The following RCCD1 variants were observed in gnomAD, a reference collection of about 807,000 sequenced individuals.
The protein encoded by RCCD1 is RCC1 domain-containing protein 1.
A neutral mutation model predicts 37.6 loss-of-function variants in RCCD1; 40 were observed. The ratio of observed to expected loss-of-function variants is 1.06; its 90% CI spans 0.83 to 1.39. The LOEUF (loss-of-function observed/expected upper bound fraction) is 1.39, where lower values mean the gene tolerates loss of function less well. RCCD1 is among the 40% of genes most tolerant of loss of function. The probability of loss-of-function intolerance (pLI) is 0.00; values close to 1 mark genes in which losing one functional copy is unlikely to be tolerated. For synonymous variants in RCCD1, 263 were observed against 230.0 expected, an observed-to-expected ratio of 1.14 and a Z score of -1.30; for missense variants, 577 against 517.3, an observed-to-expected ratio of 1.12 and a Z score of -1.12.
In RCCD1 at chr15:90,962,339, T is replaced by TAC. The variant is rs1432057363; in HGVS notation, c.*572_*573dup. On this transcript the variant is annotated 3_prime_UTR_variant, in exon 8 of 8. Transcript: ENST00000394258. The stretch of plus-strand genomic sequence containing the variant: ...GTTGTATGAATAATACCTCAAGTGA[T>TAC]ACAGCCTTGTTGATGGTCATTTTTA... 6.6e-6 allele frequency: 1 copy of TAC among 152,288 alleles called. No homozygotes were observed. Among genetic ancestry groups the TAC allele is most frequent in the Non-Finnish European group, 1.5e-5 (1 of 68,060 alleles). 9.4% of individuals were successfully genotyped at this position (152,288 alleles called of 1,614,324 possible). A position where few individuals can be genotyped will look rare whatever the true frequency, so the allele number is the denominator to read the frequency against.
chr15:90,957,063 C>T, intron 2 of RCCD1, 50 bp from the exon 3 acceptor site: 3 of 1,309,376 alleles, frequency 2.3e-6, no homozygotes, highest in South Asian at 2.3e-5. Flanking sequence ...CCCGCTCCCC[C>T]CATCCCCGCC....
At position 90,959,886 on chromosome 15, in the gene RCCD1, T is replaced by A. The variant is rs1294603431; in HGVS notation, c.680-14T>A. ...TTCACAGTCTGTTTCATGTGTCCCC[T>A]TGATCTCTTTCAGAGACTGGGGATA... On this transcript the variant is annotated splice_polypyrimidine_tract_variant and intron_variant, in intron 4 of 7. Transcript: ENST00000394258. The A allele has an allele frequency of 1.3e-6, 2 of 1,588,756 alleles. No homozygotes were observed. The highest frequency in any genetic ancestry group is 1.3e-5 in the African/African-American group (1 of 74,386).
chr15:90,956,372 C>CG, intron 1 of RCCD1, among the ~76,000 whole-genome samples: 1 of 152,082 alleles, frequency 6.6e-6, no homozygotes, highest in African/African-American at 2.4e-5. Flanking sequence ...AGCTGCGGGA[C>CG]GGGGTGGGGG....
At position 90,960,601 on chromosome 15, in the gene RCCD1, C is replaced by A. The variant is rs1387629005; in HGVS notation, c.949+103C>A. On this transcript the variant is annotated intron_variant, in intron 6 of 7. Transcript: ENST00000394258. ...TGTCTTAAGGCTTCTGTGGCTCATA[C>A]AGAGCAGCTACCTTGCTCAGTGGAT... The A allele has an allele frequency of 4.5e-6, 5 of 1,110,728 alleles. No homozygotes were observed. The East Asian group carries it at 1.0e-4, about 23-fold the overall frequency. 68.8% of individuals were successfully genotyped at this position (1,110,728 alleles called of 1,614,324 possible).
Position 90,957,173 on chromosome 15 carries a change from C to G in RCCD1, c.227C>G (p.Ala76Gly). Reference sequence around the variant, plus strand: ...GGCGCGGCGGGCCGCTGCAAGGACGCGTGGGCCTCGGAGGGGCTCCTCGCG... The same window carrying G: ...GGCGCGGCGGGCCGCTGCAAGGACGGGTGGGCCTCGGAGGGGCTCCTCGCG... ...ASGAAGRCKD[A>G]WASEGLLAVL... is the part of the protein sequence containing the mutation. The change falls in exon 3 of 8, where the codon GCG becomes GGG. Residue 76 changes from alanine to glycine, a missense_variant. By Grantham distance (60) the Ala-to-Gly change is moderately conservative. Coordinates refer to ENST00000394258, the MANE Select transcript of RCCD1 (RefSeq NM_001017919.2). 1 of 1,380,034 alleles carries G rather than the reference C, an allele frequency of 7.2e-7. No homozygotes were observed. The highest frequency in any genetic ancestry group is 9.3e-7 in the Non-Finnish European group (1 of 1,073,534). The allele number at this position is 1,380,034 out of a possible 1,614,324, so 85.5% of individuals were successfully genotyped here.
chr15:90,956,120 G>A (rs575709868), intron 1 of RCCD1, among the ~76,000 whole-genome samples: 1 of 152,298 alleles, frequency 6.6e-6, no homozygotes, highest in East Asian at 1.9e-4. Context: ...CAGGTGGATT[G>A]GCTGCGGTCC....
intron 3 of RCCD1, 44 bp downstream of exon 3, chr15:90,957,547 CAAGCGGAGCGG>C: frequency 3.1e-6 from 5 of 1,607,180 alleles, no homozygotes; most frequent in Non-Finnish European, 4.2e-6. Flanking sequence ...ATTGGAGAAG[CAAGCGGAGCGG>C]GACCCCTTAA....
intron 4 of RCCD1, among the ~76,000 whole-genome samples, chr15:90,958,524 A>T (rs1234156533): frequency 6.7e-6 from 1 of 148,340 alleles, no homozygotes; most frequent in Non-Finnish European, 1.5e-5. Context: ...GCTACTCGGG[A>T]GGCTGAGGCA....
Position 90,957,186 on chromosome 15 carries a change from G to A in RCCD1, c.240G>A (p.Glu80=). ...GCTGCAAGGACGCGTGGGCCTCGGA[G>A]GGGCTCCTCGCGGTGCTGCGCGCCG... The part of the protein sequence containing the change: ...AGRCKDAWAS[E]GLLAVLRAGP... The change falls in exon 3 of 8, where the codon GAG becomes GAA. Residue 80 remains glutamate (E), a synonymous_variant. Coordinates refer to ENST00000394258, the MANE Select transcript of RCCD1 (RefSeq NM_001017919.2). The A allele has an allele frequency of 7.2e-7, 1 of 1,389,204 alleles. No homozygotes were observed. Among genetic ancestry groups the A allele is most frequent in the Non-Finnish European group, 9.3e-7 (1 of 1,077,520 alleles). The allele number at this position is 1,389,204 out of a possible 1,614,324, so 86.1% of individuals were successfully genotyped here.
rs201626365 is a variant in RCCD1 at position 90,959,951 on chromosome 15, T to G, written c.731T>G (p.Leu244Arg). 127 of 1,613,722 alleles carry G rather than the reference T, an allele frequency of 7.9e-5. No homozygotes were observed. The highest frequency in any genetic ancestry group is 1.0e-4 in the Non-Finnish European group (123 of 1,179,918). The change falls in exon 5 of 8, where the codon CTG becomes CGG. Residue 244 changes from leucine (L) to arginine (R), a missense_variant. Coordinates refer to ENST00000394258, the MANE Select transcript of RCCD1 (RefSeq NM_001017919.2). ...WGWNESGQLA[L>R]PTRNLAEDGE... ...TGGAATGAATCAGGGCAGCTGGCCC[T>G]GCCCACCAGGAACCTGGCAGAGGAT... is the stretch of plus-strand genomic sequence containing the variant.
Position 90,959,920 on chromosome 15 carries a change from T to G in RCCD1, c.700T>G (p.Trp234Gly). ...CVSETGDIYI[W>G]GWNESGQLAL... ...TTCAGAGACTGGGGATATTTATATCTGGGGCTGGAATGAATCAGGGCAGCT... is the reference window on the plus strand; with the variant it reads ...TTCAGAGACTGGGGATATTTATATCGGGGGCTGGAATGAATCAGGGCAGCT... The change falls in exon 5 of 8, where the codon TGG (tryptophan) becomes GGG (glycine). Residue 234 changes from tryptophan (W) to glycine (G), a missense_variant. Trp to Gly is a radical substitution (Grantham distance 184). Coordinates refer to ENST00000394258, the MANE Select transcript of RCCD1 (RefSeq NM_001017919.2). The G allele has an allele frequency of 3.1e-6, 5 of 1,613,186 alleles. No homozygotes were observed. The highest frequency in any genetic ancestry group is 3.4e-6 in the Non-Finnish European group (4 of 1,179,510).
At chr15:90,957,774 C>T (rs1337763281) in intron 4 of RCCD1, 49 bp downstream of exon 4, 2 of 1,544,806 alleles carry the variant, frequency 1.3e-6, no homozygotes, top group African/African-American at 2.8e-5. Context: ...TTGTGCAAAC[C>T]TTCCTCCTCG....
At chr15:90,960,133 A>C (rs2037284611) in intron 5 of RCCD1, 135 bp downstream of exon 5, 2 of 928,964 alleles carry the variant, frequency 2.2e-6, no homozygotes, top group African/African-American at 1.6e-5. Flanking sequence ...GAGCATTGGC[A>C]AGGCTGATGC....
intron 5 of RCCD1, 54 bp downstream of exon 5, chr15:90,960,052 C>A (rs2037283192): frequency 1.4e-6 from 2 of 1,415,502 alleles, no homozygotes; most frequent in Non-Finnish European, 2.0e-6. Flanking sequence ...GCTGTCATTC[C>A]TAACTCCTGG....
chr15:90,958,306 C>T lies in RCCD1; in HGVS notation c.679+581C>T, dbSNP rs74039173. Among the ~76,000 whole-genome samples the T allele has an allele frequency of 6.9e-3, 1,057 of 152,210 alleles. 22 individuals are homozygous for T. The highest frequency in any genetic ancestry group is 0.022 in the African/African-American group (922 of 41,532). On this transcript the variant is annotated intron_variant, in intron 4 of 7. Coordinates refer to ENST00000394258, the MANE Select transcript of RCCD1 (RefSeq NM_001017919.2). ...TCTGGGGCTCTCATTCTGGCTGCTA[C>T]GTAGATCACCTGGAAGCTTAAAAAA...
Position 90,961,037 on chromosome 15 carries a change from T to C in RCCD1, c.962T>C (p.Leu321Pro). The change falls in exon 7 of 8, where the codon CTC (leucine) becomes CCC (proline). Residue 321 changes from leucine to proline, a missense_variant. By Grantham distance (98) the Leu-to-Pro change is moderately conservative (BLOSUM62 -3). Coordinates refer to ENST00000394258, the MANE Select transcript of RCCD1 (RefSeq NM_001017919.2). ...CTTTTGCTTTCAGGAACAGGGGAGC[T>C]CTACACCTGGGGCTGGGGTAAGTAA... ...HTAVVTRTGELYTWGWGKYGQ... is the reference protein window; with the variant it reads ...HTAVVTRTGEPYTWGWGKYGQ... The C allele has an allele frequency of 6.2e-7, 1 of 1,613,736 alleles. No individual in the cohort carries two copies. Among genetic ancestry groups the C allele is most frequent in the Non-Finnish European group, 8.5e-7 (1 of 1,179,958 alleles).
At chr15:90,956,297 TCTC>T (rs1172121653) in intron 1 of RCCD1, among the ~76,000 whole-genome samples, 3 of 152,096 alleles carry the variant, frequency 2.0e-5, no homozygotes, top group Admixed American at 2.0e-4. Flanking sequence ...TGTCTCAGAA[TCTC>T]CTCTGTAAAA....
chr15:90,955,913 T>C (rs1422441511), intron 1 of RCCD1: 3 of 152,106 alleles, frequency 2.0e-5, no homozygotes, highest in African/African-American at 7.2e-5. Context: ...TGTATAAGTT[T>C]CTCAAAACCA....
In RCCD1 at chr15:90,956,780, G is replaced by C; in HGVS notation, c.46G>C (p.Gly16Arg). The C allele has an allele frequency of 7.5e-7, 1 of 1,332,600 alleles. No homozygotes were observed. Among genetic ancestry groups the C allele is most frequent in the Non-Finnish European group, 9.6e-7 (1 of 1,040,810 alleles). The allele number at this position is 1,332,600 out of a possible 1,614,324, so 82.5% of individuals were successfully genotyped here. A position where few individuals can be genotyped will look rare whatever the true frequency, so the allele number is the denominator to read the frequency against. Reference sequence around the variant, plus strand: ...GGCCTGGTTCGGCTTCGGTTTCTGCGGCTTCGGGCAGGAGCTGGGCTCCGG... The same window carrying C: ...GGCCTGGTTCGGCTTCGGTTTCTGCCGCTTCGGGCAGGAGCTGGGCTCCGG... Reference protein sequence around the residue: ...PGAWFGFGFCGFGQELGSGRG... With the variant: ...PGAWFGFGFCRFGQELGSGRG... The change falls in exon 2 of 8, where the codon GGC becomes CGC. Residue 16 changes from glycine (G) to arginine (R), a missense_variant. Transcript: ENST00000394258.
Sources: allele counts gnomAD v4.1 joint callset (sites outside exome capture counted in the v4.1 genomes callset), GRCh38; gene constraint gnomAD v4.1.1; transcripts MANE v1.5; gene names NCBI Gene and HGNC (gene_info 2026-07-23, HGNC 2026-07-21).